The following FAM76B variants were observed in gnomAD, a reference collection of about 807,000 sequenced individuals.
FAM76B encodes protein FAM76B.
In FAM76B, 16 loss-of-function variants were observed where a neutral mutation model predicts 51.8. The observed-to-expected ratio is 0.31, with a 90% CI of 0.21 to 0.47. FAM76B has a LOEUF of 0.47. Ranked by LOEUF, FAM76B falls within the 20% of genes least tolerant of loss-of-function variation. The pLI is 1.00. For missense variants in FAM76B, 342 were observed against 392.6 expected (o/e 0.87, Z 1.09); for synonymous variants, 166 against 129.5 (o/e 1.28, Z -1.91).
intron 5 of FAM76B, among the ~76,000 whole-genome samples, chr11:95,781,088 T>C (rs1162486093): frequency 2.0e-5 from 3 of 151,926 alleles, no homozygotes; most frequent in Non-Finnish European, 2.9e-5. Flanking sequence ...CCCTTTTTTT[T>C]TTTTCCCACA....
intron 5 of FAM76B, among the ~76,000 whole-genome samples, chr11:95,780,925 TAGA>T (rs1301956885): frequency 6.6e-6 from 1 of 152,030 alleles, no homozygotes; most frequent in African/African-American, 2.4e-5. Flanking sequence ...GGTTCAGCTG[TAGA>T]AGTTTTTTAA....
rs759496828 is a variant in FAM76B, at chr11:95,783,151, TGAA to T, written c.474_476del (p.Ser160del). 11 of 1,613,406 alleles carry T rather than the reference TGAA, an allele frequency of 6.8e-6. No individual in the cohort carries two copies. The highest frequency in any genetic ancestry group is 3.3e-5 in the Admixed American group (2 of 59,936). On this transcript the variant is annotated inframe_deletion, in exon 5 of 10. Coordinates refer to ENST00000358780, the MANE Select transcript of FAM76B (RefSeq NM_144664.5). The stretch of plus-strand genomic sequence containing the variant: ...GATGCTGGTCTTTCTCAGTAAGAGA[TGAA>T]GAAGATGAATTTGAATGTGAAGATC...
Position 95,788,561 on chromosome 11 carries a change from T to A in FAM76B, c.90A>T (p.Glu30Asp). ...TTACAATAGGATGTGCAATCCGACA[T>A]TCCTGTAATAAGACAATACATTAGT... Reference protein sequence around the residue: ...ELSQGQQLCKECRIAHPIVKC... With the variant: ...ELSQGQQLCKDCRIAHPIVKC... The change falls in exon 2 of 10, where the codon GAA becomes GAT. Residue 30 changes from glutamate to aspartate, a missense_variant and splice_region_variant. Glu to Asp is a conservative substitution (Grantham distance 45, BLOSUM62 2). Around this residue, in one of 3 missense-constraint regions of FAM76B, gnomAD observed 96 missense variants for 94.7 expected, o/e 1.01. Coordinates refer to ENST00000358780, the MANE Select transcript of FAM76B (RefSeq NM_144664.5). 1 of 1,611,858 alleles carries A rather than the reference T, an allele frequency of 6.2e-7. No homozygotes were observed.
Position 95,783,574 on chromosome 11 carries a change from T to C in FAM76B, c.364-310A>G, listed in dbSNP as rs534814615. Among the ~76,000 whole-genome samples, 33 of 152,346 alleles carry C rather than the reference T, an allele frequency of 2.2e-4. 1 individual carries two copies. Among genetic ancestry groups the C allele is most frequent in the African/African-American group, 7.0e-4 (29 of 41,578 alleles). The stretch of plus-strand genomic sequence containing the variant: ...GAGAATAAGCATAAACTGACTGATA[T>C]ACTTCCAAGAAATATAGCCTGAATT... On this transcript the variant is annotated intron_variant, in intron 4 of 9. Transcript: ENST00000358780.
At chr11:95,773,912 T>C (rs771563338) in intron 9 of FAM76B, among the ~76,000 whole-genome samples, 6 of 151,288 alleles carry the variant, frequency 4.0e-5, no homozygotes, top group South Asian at 4.1e-4. Context: ...TTTTACTAGC[T>C]ATTAGAGCAA....
intron 2 of FAM76B, 26 bp from the exon 3 acceptor site, chr11:95,787,704 A>G (rs751380321): frequency 1.9e-6 from 3 of 1,552,960 alleles, no homozygotes; most frequent in Non-Finnish European, 2.6e-6. Context: ...TATATAGATC[A>G]TGTTTATGTA....
intron 8 of FAM76B, among the ~76,000 whole-genome samples, chr11:95,777,987 A>G (rs1860087570): frequency 1.3e-5 from 2 of 151,532 alleles, no homozygotes; most frequent in African/African-American, 4.8e-5. Flanking sequence ...AGGAGCTATA[A>G]TAAATACTTT....
intron 4 of FAM76B, among the ~76,000 whole-genome samples, 160 bp downstream of exon 4, chr11:95,785,959 A>T (rs1042744866): frequency 6.6e-6 from 1 of 152,248 alleles, no homozygotes; most frequent in East Asian, 1.9e-4. Context: ...GTATCATGCA[A>T]ACAAAGAGAA....
Position 95,789,715 on chromosome 11 carries a change from G to C in FAM76B, c.-237C>G, listed in dbSNP as rs1162010801. 1 of 490,632 alleles carries C rather than the reference G, an allele frequency of 2.0e-6. No homozygotes were observed. The highest frequency in any genetic ancestry group is 3.6e-6 in the Non-Finnish European group (1 of 280,430). The allele number at this position is 490,632 out of a possible 1,614,324, so 30.4% of individuals were successfully genotyped here. A position where few individuals can be genotyped will look rare whatever the true frequency, so the allele number is the denominator to read the frequency against. ...CGCCGTGCCAGCCGCTCCCGCTTAG[G>C]CCCCGATAGCGGCGGAGGGAGACGA... On this transcript the variant is annotated 5_prime_UTR_variant, in exon 1 of 10. Coordinates refer to ENST00000358780, the MANE Select transcript of FAM76B (RefSeq NM_144664.5).
intron 5 of FAM76B, among the ~76,000 whole-genome samples, chr11:95,782,733 T>G (rs1175363725): frequency 6.6e-6 from 1 of 152,190 alleles, no homozygotes; most frequent in African/African-American, 2.4e-5. Flanking sequence ...AAATAAAACC[T>G]TAACAATTAT....
chr11:95,777,248 ATGTATAG>A (rs1424968486), intron 8 of FAM76B, among the ~76,000 whole-genome samples: 1 of 151,440 alleles, frequency 6.6e-6, no homozygotes, highest in East Asian at 1.9e-4. Flanking sequence ...AAAGTTGCAA[ATGTATAG>A]TTATTTTAGG....
At position 95,771,557 on chromosome 11, in the gene FAM76B, T is replaced by C. The variant is rs772858364; in HGVS notation, c.*4A>G. On this transcript the variant is annotated 3_prime_UTR_variant, in exon 10 of 10. Coordinates refer to ENST00000358780, the MANE Select transcript of FAM76B (RefSeq NM_144664.5). ...TAAGAAGAAATGCTAAACAAATGAC[T>C]TTCTCAAGGAGATGTTAGTATGCTT... is the stretch of plus-strand genomic sequence containing the variant. The C allele has an allele frequency of 5.6e-6, 9 of 1,601,182 alleles. No individual in the cohort carries two copies. Among genetic ancestry groups the C allele is most frequent in the East Asian group, 2.2e-5 (1 of 44,540 alleles).
At chr11:95,777,962 G>GC (rs1184648105) in intron 8 of FAM76B, among the ~76,000 whole-genome samples, 1 of 151,396 alleles carries the variant, frequency 6.6e-6, no homozygotes, top group African/African-American at 2.4e-5. Flanking sequence ...GCCCCTATGG[G>GC]CACTTATACA....
At chr11:95,780,893 C>T (rs930776469) in intron 5 of FAM76B, among the ~76,000 whole-genome samples, 1 of 151,790 alleles carries the variant, frequency 6.6e-6, no homozygotes, top group Non-Finnish European at 1.5e-5. Flanking sequence ...TACATGTTTA[C>T]TTGTGTCTAA....
chr11:95,773,474 A>AAT (rs1440291329), intron 9 of FAM76B, among the ~76,000 whole-genome samples: 1 of 150,612 alleles, frequency 6.6e-6, no homozygotes, highest in Non-Finnish European at 1.5e-5. Context: ...AAAAAAAAAA[A>AAT]ATCAATGAAA....
At chr11:95,785,711 C>A (rs1296444990) in intron 4 of FAM76B, among the ~76,000 whole-genome samples, 1 of 152,168 alleles carries the variant, frequency 6.6e-6, no homozygotes, top group African/African-American at 2.4e-5. Flanking sequence ...TAGACAAAAA[C>A]AAACAACAGT....
intron 8 of FAM76B, among the ~76,000 whole-genome samples, chr11:95,778,284 CTTCAT>C (rs1448501750): frequency 6.6e-6 from 1 of 151,436 alleles, no homozygotes; most frequent in Non-Finnish European, 1.5e-5. Context: ...TAATATTCCT[CTTCAT>C]TTAACTGATG....
chr11:95,777,486 G>C (rs1169939654), intron 8 of FAM76B, among the ~76,000 whole-genome samples: 1 of 151,216 alleles, frequency 6.6e-6, no homozygotes, highest in African/African-American at 2.4e-5. Flanking sequence ...CAGTAAAGTT[G>C]GCATTTTATT....
In FAM76B at chr11:95,771,461, G is replaced by A. The variant is rs754084051; in HGVS notation, c.*100C>T. ...CAGGAAACACACCAATTCATTTGGTGTGCAAAAATATTTTTCTACTACACA... is the reference window on the plus strand; with the variant it reads ...CAGGAAACACACCAATTCATTTGGTATGCAAAAATATTTTTCTACTACACA... On this transcript the variant is annotated 3_prime_UTR_variant, in exon 10 of 10. Transcript: ENST00000358780. 87 of 775,002 alleles carry A rather than the reference G, an allele frequency of 1.1e-4. No individual in the cohort carries two copies. Among genetic ancestry groups the A allele is most frequent in the Non-Finnish European group, 1.7e-4 (81 of 482,414 alleles). The allele number at this position is 775,002 out of a possible 1,614,324, so 48.0% of individuals were successfully genotyped here.
Sources: gnomAD v4.1 joint callset for allele counts (sites outside exome capture counted in the v4.1 genomes callset) on GRCh38, gnomAD v4.1.1 for gene constraint, gnomAD v4.1.1 regional missense constraint, MANE v1.5 for transcripts, NCBI Gene and HGNC (gene_info 2026-07-23, HGNC 2026-07-21) for gene names.